Variants in PAK5 observed in about 807,000 individuals in gnomAD.
PAK5 encodes the protein serine/threonine-protein kinase PAK 5.
In PAK5, 16 loss-of-function variants were observed where a neutral mutation model predicts 65.9. The observed-to-expected ratio is 0.24, with a 90% CI of 0.16 to 0.37. The LOEUF (loss-of-function observed/expected upper bound fraction) is 0.37, where lower values mean the gene tolerates loss of function less well. Ranked by LOEUF, PAK5 falls within the 10% of genes least tolerant of loss-of-function variation. The probability of loss-of-function intolerance (pLI) is 1.00; values close to 1 mark genes in which losing one functional copy is unlikely to be tolerated. For synonymous variants in PAK5, 371 were observed against 354.9 expected (o/e 1.05, Z -0.51); for missense variants, 785 against 903.9 (o/e 0.87, Z 1.69).
At chr20:9,724,204 A>T (rs905947504) in intron 1 of PAK5, among the ~76,000 whole-genome samples, 1 of 152,190 alleles carries the variant, frequency 6.6e-6, no homozygotes, top group Admixed American at 6.5e-5. Flanking sequence ...TTTAATTTGT[A>T]GTTTACGGAG....
intron 1 of PAK5, among the ~76,000 whole-genome samples, chr20:9,831,820 T>A (rs1978740173): frequency 6.6e-6 from 1 of 152,166 alleles, no homozygotes; most frequent in African/African-American, 2.4e-5. Flanking sequence ...CTACATTTTT[T>A]AAAATTTGGA....
intron 4 of PAK5, among the ~76,000 whole-genome samples, chr20:9,567,990 T>A (rs1249588433): frequency 2.0e-5 from 3 of 152,100 alleles, no homozygotes; most frequent in African/African-American, 7.2e-5. Context: ...GAGTGGCACA[T>A]GCAGGATTCT....
At position 9,565,715 on chromosome 20, in the gene PAK5, G is replaced by T. The variant is rs902055994; in HGVS notation, c.1482+178C>A. ...GATACACATGAAGTACTTTATAGAT[G>T]TAACAGCCATATATGTGCATAGAAA... is the stretch of plus-strand genomic sequence containing the variant. On this transcript the variant is annotated intron_variant, in intron 5 of 9. Transcript: ENST00000353224. 3.3e-5 allele frequency among the ~76,000 whole-genome samples: 5 copies of T among 152,166 alleles called. 1 individual carries two copies. The highest frequency in any genetic ancestry group is 7.4e-5 in the Non-Finnish European group (5 of 68,022).
intron 1 of PAK5, among the ~76,000 whole-genome samples, chr20:9,786,779 G>A (rs1194872336): frequency 6.6e-6 from 1 of 152,136 alleles, no homozygotes; most frequent in Non-Finnish European, 1.5e-5. Flanking sequence ...AATACAGAAT[G>A]TGTTTCAATA....
chr20:9,701,923 C>T (rs917077791), intron 2 of PAK5, among the ~76,000 whole-genome samples: 2 of 151,942 alleles, frequency 1.3e-5, no homozygotes, highest in African/African-American at 2.4e-5. Context: ...CTGCTTGAGC[C>T]CAGGAGCTTG....
intron 2 of PAK5, among the ~76,000 whole-genome samples, chr20:9,689,464 T>C (rs1029773292): frequency 6.6e-6 from 1 of 152,222 alleles, no homozygotes; most frequent in African/African-American, 2.4e-5. Flanking sequence ...TCTTCCTTTG[T>C]GTCTACATCC....
At position 9,682,621 on chromosome 20, in the gene PAK5, C is replaced by T. The variant is rs568962604; in HGVS notation, c.-12+28665G>A. On this transcript the variant is annotated intron_variant, in intron 2 of 9. Coordinates refer to ENST00000353224, the MANE Select transcript of PAK5 (RefSeq NM_177990.4). Reference sequence around the variant, plus strand: ...ACAACTTGAATATTAGGACTACAAACACTCGGGGACCCAAGGTCCTGGGGA... The same window carrying T: ...ACAACTTGAATATTAGGACTACAAATACTCGGGGACCCAAGGTCCTGGGGA... Among the ~76,000 whole-genome samples the T allele has an allele frequency of 6.6e-5, 10 of 152,312 alleles. No individual in the cohort carries two copies. The South Asian group carries it at 2.1e-3, about 32-fold the overall frequency.
chr20:9,800,099 C>T (rs116124400), intron 1 of PAK5, among the ~76,000 whole-genome samples: 1,533 of 152,016 alleles, frequency 0.01, 21 homozygotes, highest in African/African-American at 0.034. Flanking sequence ...TATAAAAACC[C>T]TTCCTAATAA....
intron 1 of PAK5, among the ~76,000 whole-genome samples, chr20:9,763,836 T>C (rs2048727027): frequency 6.6e-6 from 1 of 152,208 alleles, no homozygotes; most frequent in Admixed American, 6.5e-5. Flanking sequence ...TGTGTGTATA[T>C]TGTGTTTATA....
intron 2 of PAK5, among the ~76,000 whole-genome samples, chr20:9,687,839 C>T (rs2047739525): frequency 6.6e-6 from 1 of 151,802 alleles, no homozygotes; most frequent in South Asian, 2.1e-4. Context: ...GATCTAATTG[C>T]ACTGGGGTAT....
chr20:9,810,573 A>T (rs1452297308), intron 1 of PAK5, among the ~76,000 whole-genome samples: 1 of 152,208 alleles, frequency 6.6e-6, no homozygotes, highest in Non-Finnish European at 1.5e-5. Context: ...GAAAGAATGT[A>T]TCAAGGGCAG....
chr20:9,607,384 A>C (rs2046474163), intron 3 of PAK5, among the ~76,000 whole-genome samples: 1 of 152,252 alleles, frequency 6.6e-6, no homozygotes, highest in Non-Finnish European at 1.5e-5. Context: ...GGAATCAATA[A>C]GACTAAAAAG....
chr20:9,544,228 G>A, intron 8 of PAK5, 141 bp downstream of exon 8: 1 of 892,354 alleles, frequency 1.1e-6, no homozygotes, highest in Non-Finnish European at 1.7e-6. Flanking sequence ...TATCTACTCT[G>A]TGCCTCATCT....
chr20:9,573,341 C>T (rs1198116952), intron 4 of PAK5, among the ~76,000 whole-genome samples: 1 of 152,192 alleles, frequency 6.6e-6, no homozygotes, highest in African/African-American at 2.4e-5. Context: ...TAGGGTCAGA[C>T]ACAGGCTTGT....
intron 1 of PAK5, among the ~76,000 whole-genome samples, chr20:9,781,739 A>C (rs898359738): frequency 6.6e-6 from 1 of 151,994 alleles, no homozygotes; most frequent in Non-Finnish European, 1.5e-5. Flanking sequence ...TCCCGTACCA[A>C]CATCCCATGC....
rs574876123 is a variant in PAK5, at chr20:9,703,191, G to C, written c.-12+8095C>G. On this transcript the variant is annotated intron_variant, in intron 2 of 9. Transcript: ENST00000353224. ...ATACAGGATTTGAAGAACCACCCCA[G>C]AAAACTATCGGGATCAGCTCCAAGT... 2.6e-5 allele frequency among the ~76,000 whole-genome samples: 4 copies of C among 152,306 alleles called. No individual in the cohort carries two copies. The South Asian group carries it at 8.3e-4, about 32-fold the overall frequency.
intron 3 of PAK5, among the ~76,000 whole-genome samples, chr20:9,617,197 A>G (rs1248253607): frequency 6.6e-6 from 1 of 152,232 alleles, no homozygotes; most frequent in East Asian, 1.9e-4. Flanking sequence ...TTAAAGCTTC[A>G]ATACATCTGA....
chr20:9,602,662 AT>A (rs1173058298), intron 3 of PAK5, among the ~76,000 whole-genome samples: 1 of 152,216 alleles, frequency 6.6e-6, no homozygotes, highest in Admixed American at 6.5e-5. Context: ...TACATGCAAT[AT>A]TTGACAGAGC....
chr20:9,545,074 C>T (rs1231489882), intron 7 of PAK5, among the ~76,000 whole-genome samples: 1 of 152,098 alleles, frequency 6.6e-6, no homozygotes, highest in Non-Finnish European at 1.5e-5. Flanking sequence ...CTCCTTTGTC[C>T]ATGACAGTTG....
Sources: allele counts gnomAD v4.1 joint callset (sites outside exome capture counted in the v4.1 genomes callset), GRCh38; gene constraint gnomAD v4.1.1; transcripts MANE v1.5; gene names NCBI Gene and HGNC (gene_info 2026-07-23, HGNC 2026-07-21).